ABLIM1: variants seen among roughly 807,000 people sequenced by gnomAD.
ABLIM1 encodes actin binding LIM protein 1.
A neutral mutation model predicts 107.0 loss-of-function variants in ABLIM1; 40 were observed. The observed-to-expected ratio is 0.37, with a 90% CI of 0.29 to 0.49. The LOEUF (loss-of-function observed/expected upper bound fraction) is 0.49, where lower values mean the gene tolerates loss of function less well. Ranked by LOEUF, ABLIM1 falls within the 20% of genes least tolerant of loss-of-function variation. The pLI is 0.97. For missense variants in ABLIM1, 857 were observed against 1,008.5 expected (o/e 0.85, Z 2.04); for synonymous variants, 357 against 357.3 (o/e 1.00, Z 0.01).
chr10:114,510,714 G>A (rs546858524), intron 6 of ABLIM1, among the ~76,000 whole-genome samples: 4 of 151,598 alleles, frequency 2.6e-5, no homozygotes, highest in Admixed American at 2.0e-4. Flanking sequence ...GCAGTGATGC[G>A]ATCTTGGTTC....
chr10:114,495,620 G>GTGC lies in ABLIM1; in HGVS notation c.895-3745_895-3743dup, dbSNP rs554585306. On this transcript the variant is annotated intron_variant, in intron 6 of 22. Coordinates refer to ENST00000533213, the MANE Select transcript of ABLIM1 (RefSeq NM_002313.7). ...TGACGATGATGTGGTGGTGATGACG[G>GTGC]TGCTGCTGCTGCTGCTGCTGCTGAC... Among the ~76,000 whole-genome samples, 519 of 151,948 alleles carry GTGC rather than the reference G, an allele frequency of 3.4e-3. 1 individual carries two copies. The highest frequency in any genetic ancestry group is 0.01 in the African/African-American group (435 of 41,458).
chr10:114,760,121 A>C (rs1376936298), intron 1 of ABLIM1, among the ~76,000 whole-genome samples: 1 of 152,048 alleles, frequency 6.6e-6, no homozygotes, highest in Non-Finnish European at 1.5e-5. Flanking sequence ...AGGAATAGAC[A>C]GGATTTGAAA....
At chr10:114,504,543 T>C (rs542552480) in intron 6 of ABLIM1, among the ~76,000 whole-genome samples, 6 of 152,304 alleles carry the variant, frequency 3.9e-5, no homozygotes, top group African/African-American at 1.4e-4. Flanking sequence ...CCTAAGGCCA[T>C]CCCTTGAAAA....
chr10:114,450,196 A>C, intron 14 of ABLIM1: 2 of 260,300 alleles, frequency 7.7e-6, no homozygotes, highest in South Asian at 3.6e-5. Flanking sequence ...GAGTGTGTGG[A>C]AAGACAATAA....
intron 6 of ABLIM1, among the ~76,000 whole-genome samples, chr10:114,537,180 A>ACT (rs924465266): frequency 1.3e-5 from 2 of 151,418 alleles, no homozygotes; most frequent in South Asian, 2.1e-4. Context: ...GTTCAGGCTC[A>ACT]CTCTCTCTCT....
chr10:114,767,079 C>G (rs1478426315), intron 1 of ABLIM1, among the ~76,000 whole-genome samples: 1 of 151,986 alleles, frequency 6.6e-6, no homozygotes, highest in Non-Finnish European at 1.5e-5. Flanking sequence ...AGAGATTACT[C>G]TATTCATTAT....
chr10:114,552,596 G>A (rs557442588), intron 4 of ABLIM1, among the ~76,000 whole-genome samples: 21 of 151,980 alleles, frequency 1.4e-4, no homozygotes, highest in African/African-American at 4.3e-4. Context: ...GGCTACTCAC[G>A]TCCAGGTTAA....
chr10:114,694,824 A>G (rs1293467322), intron 1 of ABLIM1, among the ~76,000 whole-genome samples: 1 of 152,226 alleles, frequency 6.6e-6, no homozygotes, highest in African/African-American at 2.4e-5. Flanking sequence ...ATTGGTTGAT[A>G]AAAAGTGGAA....
Position 114,431,358 on chromosome 10 carries a change from T to G in ABLIM1, c.*4902A>C, listed in dbSNP as rs976647958. The G allele has an allele frequency of 6.6e-6, 1 of 152,198 alleles. No homozygotes were observed. The highest frequency in any genetic ancestry group is 1.5e-5 in the Non-Finnish European group (1 of 68,044). The allele number at this position is 152,198 out of a possible 1,614,324, so 9.4% of individuals were successfully genotyped here. A position where few individuals can be genotyped will look rare whatever the true frequency, so the allele number is the denominator to read the frequency against. On this transcript the variant is annotated 3_prime_UTR_variant, in exon 23 of 23. Coordinates refer to ENST00000533213, the MANE Select transcript of ABLIM1 (RefSeq NM_002313.7). ...CGACACAGCTTTTCAAAAGGAATTC[T>G]TCTAAACATTTGCTTTCATATTTCC...
rs2067519050 is a variant in ABLIM1, at chr10:114,547,585, A to G, written c.800+65T>C. On this transcript the variant is annotated intron_variant, in intron 5 of 22. Coordinates refer to ENST00000533213, the MANE Select transcript of ABLIM1 (RefSeq NM_002313.7). ...ATGGGGTGGGGCCCCTGAGACCAGG[A>G]CCTGCAGAAGAACCACAACGCCCGG... is the stretch of plus-strand genomic sequence containing the variant. The G allele has an allele frequency of 2.0e-5, 32 of 1,599,826 alleles. No individual in the cohort carries two copies. The South Asian group carries it at 3.6e-4, about 18-fold the overall frequency.
chr10:114,433,688 A>G lies in ABLIM1; in HGVS notation c.*2572T>C, dbSNP rs1476352274. The G allele has an allele frequency of 1.3e-5, 2 of 152,336 alleles. No individual in the cohort carries two copies. The highest frequency in any genetic ancestry group is 2.1e-4 in the South Asian group (1 of 4,828). The allele number at this position is 152,336 out of a possible 1,614,324, so 9.4% of individuals were successfully genotyped here. On this transcript the variant is annotated 3_prime_UTR_variant, in exon 23 of 23. Transcript: ENST00000533213. ...TTCAGTTCTTTATCACTGCAATCTT[A>G]GGCAGGCCCCTTAACTCCTAGTCTC...
intron 4 of ABLIM1, among the ~76,000 whole-genome samples, chr10:114,565,788 CTTTTT>C (rs577896964): frequency 5.3e-4 from 54 of 101,084 alleles, no homozygotes; most frequent in African/African-American, 1.7e-3. Context: ...GAAATGATTT[CTTTTT>C]TTTTTTTTTT....
rs2077307838 is a variant in ABLIM1 at position 114,619,151 on chromosome 10, A to G, written c.245-17190T>C. On this transcript the variant is annotated intron_variant, in intron 1 of 22. Transcript: ENST00000533213. The surrounding 1 kb of genome is among the most constrained non-coding windows in gnomAD (Gnocchi z 4.1). Reference sequence around the variant, plus strand: ...CTGAGGGAGGGGTGAACTCTCTCCAAAGCCCTTAAATTATATTTTTTCTTT... The same window carrying G: ...CTGAGGGAGGGGTGAACTCTCTCCAGAGCCCTTAAATTATATTTTTTCTTT... 6.6e-6 allele frequency among the ~76,000 whole-genome samples: 1 copy of G among 151,508 alleles called. No individual in the cohort carries two copies. Among genetic ancestry groups the G allele is most frequent in the Non-Finnish European group, 1.5e-5 (1 of 67,910 alleles).
At chr10:114,748,799 G>A (rs1387467783) in intron 1 of ABLIM1, among the ~76,000 whole-genome samples, 1 of 151,886 alleles carries the variant, frequency 6.6e-6, no homozygotes, top group East Asian at 1.9e-4. Flanking sequence ...TGGGACTACA[G>A]ACATTCACCA....
intron 1 of ABLIM1, among the ~76,000 whole-genome samples, chr10:114,742,573 G>T (rs1283178871): frequency 2.6e-5 from 4 of 152,160 alleles, no homozygotes; most frequent in Non-Finnish European, 5.9e-5. Flanking sequence ...TCTTCCTGAT[G>T]CAGTGACTTG....
chr10:114,684,166 A>T, intron 1 of ABLIM1: 2 of 926,282 alleles, frequency 2.2e-6, no homozygotes, highest in Non-Finnish European at 3.1e-6. Flanking sequence ...ACAATCTTTT[A>T]CTTATTATCA....
chr10:114,491,956 A>C, intron 6 of ABLIM1, 78 bp from the exon 7 acceptor site: 3 of 1,159,658 alleles, frequency 2.6e-6, no homozygotes, highest in African/African-American at 1.5e-5. Context: ...TTGATGATTT[A>C]GAAGAAAAGA....
At chr10:114,516,703 T>A (rs974336386) in intron 6 of ABLIM1, among the ~76,000 whole-genome samples, 2 of 152,242 alleles carry the variant, frequency 1.3e-5, no homozygotes, top group Admixed American at 1.3e-4. Context: ...GTTGGTTTTG[T>A]GAGCTTCACA....
At chr10:114,623,644 G>T (rs1376380117) in intron 1 of ABLIM1, among the ~76,000 whole-genome samples, 1 of 152,164 alleles carries the variant, frequency 6.6e-6, no homozygotes, top group Non-Finnish European at 1.5e-5. Flanking sequence ...AACATTATCT[G>T]GGAAGTGTTA....
Sources: gnomAD v4.1 joint callset for allele counts (sites outside exome capture counted in the v4.1 genomes callset) on GRCh38, gnomAD v4.1.1 for gene constraint, Gnocchi (gnomAD v3.1) non-coding constraint, MANE v1.5 for transcripts, NCBI Gene and HGNC (gene_info 2026-07-23, HGNC 2026-07-21) for gene names.